FHIT: variants seen among roughly 807,000 people sequenced by gnomAD.
FHIT encodes bis(5'-adenosyl)-triphosphatase.
In FHIT, 19 loss-of-function variants were observed where a neutral mutation model predicts 17.9. That is an observed-to-expected ratio of 1.06 (90% confidence interval 0.74 to 1.56). The LOEUF (loss-of-function observed/expected upper bound fraction) is 1.56, where lower values mean the gene tolerates loss of function less well. FHIT is among the 40% of genes most tolerant of loss of function. FHIT has a pLI of 0.00. For missense variants in FHIT, 248 were observed against 189.2 expected, an observed-to-expected ratio of 1.31 and a Z score of -1.82; for synonymous variants, 81 against 69.7, an observed-to-expected ratio of 1.16 and a Z score of -0.81.
Position 60,188,207 on chromosome 3 carries a change from C to CTTTTTT in FHIT, c.104-174061_104-174056dup, listed in dbSNP as rs1210975877. ...ACTCAGGGATCTTGACAGTTTCTTT[C>CTTTTTT]TTTTTTTTTTTTTTTTTTTTACCAT... On this transcript the variant is annotated intron_variant, in intron 5 of 9. Coordinates refer to ENST00000492590, the MANE Select transcript of FHIT (RefSeq NM_002012.4). Among the ~76,000 whole-genome samples, 168 of 125,234 alleles carry CTTTTTT rather than the reference C, an allele frequency of 1.3e-3. 1 individual carries two copies. The highest frequency in any genetic ancestry group is 1.7e-3 in the Non-Finnish European group (107 of 61,234). The allele number at this position is 125,234 out of a possible 152,430, so 82.2% of individuals were successfully genotyped here. A position where few individuals can be genotyped will look rare whatever the true frequency, so the allele number is the denominator to read the frequency against.
intron 4 of FHIT, among the ~76,000 whole-genome samples, chr3:60,625,433 CTTCTT>C (rs1274596560): frequency 6.6e-6 from 1 of 152,114 alleles, no homozygotes; most frequent in Admixed American, 6.5e-5. Flanking sequence ...TCCTCTATGT[CTTCTT>C]TTCAATTATA....
intron 3 of FHIT, among the ~76,000 whole-genome samples, chr3:61,038,513 G>T (rs1402353421): frequency 6.6e-6 from 1 of 152,192 alleles, no homozygotes; most frequent in East Asian, 1.9e-4. Context: ...AGGAAAAACA[G>T]TAAATGACAT....
At chr3:59,816,076 C>T (rs1326448107) in intron 8 of FHIT, among the ~76,000 whole-genome samples, 2 of 152,190 alleles carry the variant, frequency 1.3e-5, no homozygotes, top group Non-Finnish European at 2.9e-5. Context: ...CAAAGAAAGG[C>T]CTGCCCAGGG....
intron 8 of FHIT, among the ~76,000 whole-genome samples, chr3:59,878,121 C>T (rs604398): frequency 0.7 from 106,188 of 152,016 alleles, 42,981 homozygotes; most frequent in East Asian, 0.99. Flanking sequence ...GCACTTCCTC[C>T]CCTTTAAAAA....
chr3:60,797,698 A>G (rs1334723187), intron 4 of FHIT, among the ~76,000 whole-genome samples: 2 of 149,770 alleles, frequency 1.3e-5, no homozygotes, highest in Non-Finnish European at 3.0e-5. Flanking sequence ...AAGTCTTCAC[A>G]TTGGCAACTA....
In FHIT at chr3:60,485,334, C is replaced by T. The variant is rs1035704235; in HGVS notation, c.103+51526G>A. 3.3e-5 allele frequency among the ~76,000 whole-genome samples: 5 copies of T among 152,140 alleles called. No individual in the cohort carries two copies. The South Asian group carries it at 8.3e-4, about 25-fold the overall frequency. ...GCCCAAAAGAATATAAATCATTCTA[C>T]TATAAAGACACATGCACACTTATGT... On this transcript the variant is annotated intron_variant, in intron 5 of 9. Transcript: ENST00000492590.
At chr3:60,871,134 C>T (rs569805966) in intron 3 of FHIT, among the ~76,000 whole-genome samples, 13 of 152,274 alleles carry the variant, frequency 8.5e-5, no homozygotes, top group South Asian at 2.1e-4. Context: ...GCAGCTCATT[C>T]TTGCATATCT....
intron 3 of FHIT, among the ~76,000 whole-genome samples, chr3:60,837,481 C>T (rs1355767864): frequency 6.6e-6 from 1 of 152,030 alleles, no homozygotes; most frequent in Non-Finnish European, 1.5e-5. Flanking sequence ...ATTTTACTTT[C>T]GTCTATTGTT....
At chr3:60,972,914 C>T (rs1710083261) in intron 3 of FHIT, among the ~76,000 whole-genome samples, 2 of 152,138 alleles carry the variant, frequency 1.3e-5, no homozygotes, top group South Asian at 2.1e-4. Context: ...ACATTTGATT[C>T]CTTTCATAGG....
chr3:59,912,765 G>A (rs1176659227), intron 8 of FHIT, among the ~76,000 whole-genome samples: 2 of 152,218 alleles, frequency 1.3e-5, no homozygotes, highest in Non-Finnish European at 2.9e-5. Context: ...TACCACTAAT[G>A]TAAGAAGGAT....
At chr3:60,299,880 T>A (rs1006025991) in intron 5 of FHIT, among the ~76,000 whole-genome samples, 1 of 152,104 alleles carries the variant, frequency 6.6e-6, no homozygotes, top group African/African-American at 2.4e-5. Flanking sequence ...ATGTGTGGTG[T>A]TTAGCTGGAG....
chr3:59,989,200 C>G (rs916769510), intron 7 of FHIT, among the ~76,000 whole-genome samples: 8 of 152,100 alleles, frequency 5.3e-5, no homozygotes, highest in African/African-American at 1.9e-4. Context: ...CATTTCAAGC[C>G]AGGCTCCTCT....
chr3:60,787,629 T>C (rs191106050), intron 4 of FHIT, among the ~76,000 whole-genome samples: 1 of 152,358 alleles, frequency 6.6e-6, no homozygotes, highest in East Asian at 1.9e-4. Context: ...AAGGTTGGCA[T>C]CCATTCTTTG....
intron 5 of FHIT, among the ~76,000 whole-genome samples, chr3:60,101,402 T>C (rs1704185253): frequency 1.3e-5 from 2 of 152,204 alleles, no homozygotes; most frequent in African/African-American, 4.8e-5. Context: ...CTCTCTTCTT[T>C]CAGCTCCCCA....
intron 3 of FHIT, among the ~76,000 whole-genome samples, chr3:60,878,666 T>A (rs1312670389): frequency 1.1e-4 from 17 of 150,298 alleles, no homozygotes; most frequent in Admixed American, 7.9e-4. Flanking sequence ...CAGGCCCCGG[T>A]GTGTGATGTT....
In FHIT at chr3:61,214,623, T is replaced by C. The variant is rs1045020020; in HGVS notation, c.-212-13958A>G. Among the ~76,000 whole-genome samples, 7 of 152,010 alleles carry C rather than the reference T, an allele frequency of 4.6e-5. No homozygotes were observed. The South Asian group carries it at 6.2e-4, about 14-fold the overall frequency. ...TTCCTTCTGAAACTATTCCAATCAA[T>C]AGAAAAAGAGGGAATCCTCCCTAAC... On this transcript the variant is annotated intron_variant, in intron 1 of 9. Transcript: ENST00000492590.
chr3:60,287,082 T>C (rs1707760436), intron 5 of FHIT, among the ~76,000 whole-genome samples: 1 of 152,208 alleles, frequency 6.6e-6, no homozygotes, highest in South Asian at 2.1e-4. Context: ...ACAAATTCCT[T>C]AAATGTTGAA....
At chr3:60,137,087 G>A (rs79463940) in intron 5 of FHIT, among the ~76,000 whole-genome samples, 6,709 of 152,234 alleles carry the variant, frequency 0.044, 476 homozygotes, top group African/African-American at 0.15. Flanking sequence ...AAAATACACA[G>A]GTAGTAAGAA....
chr3:61,101,722 T>TAAA (rs2035836118), intron 2 of FHIT, among the ~76,000 whole-genome samples: 1 of 152,168 alleles, frequency 6.6e-6, no homozygotes, highest in Non-Finnish European at 1.5e-5. Flanking sequence ...TGTCCTCTTT[T>TAAA]ATTTTGTTGA....
Sources: gnomAD v4.1 joint callset for allele counts (sites outside exome capture counted in the v4.1 genomes callset) on GRCh38, gnomAD v4.1.1 for gene constraint, MANE v1.5 for transcripts, NCBI Gene and HGNC (gene_info 2026-07-23, HGNC 2026-07-21) for gene names.